GAS2: variants seen among roughly 807,000 people sequenced by gnomAD.
GAS2 encodes growth arrest specific 2.
A neutral mutation model predicts 37.5 loss-of-function variants in GAS2; 20 were observed. That is an observed-to-expected ratio of 0.53 (90% confidence interval 0.37 to 0.77). GAS2 has a LOEUF of 0.77. Among genes scored for constraint, GAS2 ranks in the 30% least tolerant of loss-of-function variants. GAS2 has a pLI of 0.00. For missense variants in GAS2, 336 were observed against 373.4 expected, an observed-to-expected ratio of 0.90 and a Z score of 0.82; for synonymous variants, 144 against 132.2, an observed-to-expected ratio of 1.09 and a Z score of -0.61.
rs577403056 is a variant in GAS2, at chr11:22,642,700, G to T, written c.-21+16887G>T. On this transcript the variant is annotated intron_variant, in intron 1 of 5. Coordinates refer to the GAS2 transcript ENST00000528582. ...AGTATCTTGTAATTATGTTAAAAAT[G>T]ACGTATCTGAGAATTTACACGGAAT... 2.6e-5 allele frequency among the ~76,000 whole-genome samples: 4 copies of T among 152,250 alleles called. 1 individual carries two copies. The South Asian group carries it at 8.3e-4, about 32-fold the overall frequency.
intron 6 of GAS2, 147 bp downstream of exon 6, chr11:22,749,408 C>T: frequency 1.5e-6 from 1 of 666,004 alleles, no homozygotes; most frequent in Non-Finnish European, 2.4e-6. Context: ...ACTTTGTAGT[C>T]CTACAATTCA....
chr11:22,703,382 A>G (rs1013509338), intron 3 of GAS2, among the ~76,000 whole-genome samples: 6 of 152,178 alleles, frequency 3.9e-5, no homozygotes, highest in African/African-American at 1.4e-4. Context: ...TTTTGTCAGA[A>G]AAAGTCACTC....
intron 5 of GAS2, among the ~76,000 whole-genome samples, chr11:22,744,512 G>A (rs1422288841): frequency 6.6e-6 from 1 of 151,978 alleles, no homozygotes; most frequent in Non-Finnish European, 1.5e-5. Context: ...ATCAATAAAT[G>A]TAATTTACCA....
chr11:22,705,188 A>G (rs764677483), intron 3 of GAS2, among the ~76,000 whole-genome samples: 18 of 152,026 alleles, frequency 1.2e-4, no homozygotes, highest in Non-Finnish European at 2.4e-4. Flanking sequence ...ATTTATTGTA[A>G]CTTTTCCCTT....
chr11:22,757,415 T>C (rs1157873139), intron 7 of GAS2, among the ~76,000 whole-genome samples: 1 of 152,160 alleles, frequency 6.6e-6, no homozygotes, highest in African/African-American at 2.4e-5. Flanking sequence ...TTTGCTGTAC[T>C]GAAAAAATTG....
chr11:22,769,593 A>G (rs780672999), intron 7 of GAS2, among the ~76,000 whole-genome samples: 2 of 152,386 alleles, frequency 1.3e-5, no homozygotes, highest in Middle Eastern at 3.4e-3. Context: ...TAAAAATTAC[A>G]GCTATAATAC....
rs139946300 is a variant in GAS2 at position 22,700,451 on chromosome 11, G to A, written c.267+14662G>A. 2.0e-5 allele frequency among the ~76,000 whole-genome samples: 3 copies of A among 152,086 alleles called. 1 individual carries two copies. The highest frequency in any genetic ancestry group is 3.9e-4 in the East Asian group (2 of 5,192). ...ATCTGACTTTTCCAGTCGTAAAGAC[G>A]GAAGATTTGAGAATTTTAGAATGGT... On this transcript the variant is annotated intron_variant, in intron 3 of 7. Transcript: ENST00000454584.
At position 22,655,121 on chromosome 11, in the gene GAS2, C is replaced by G. The variant is rs546190816; in HGVS notation, c.-20-19729C>G. ...TGAACTCCTAAGCTCTTCAGACTGT[C>G]TGTCCTTTTCTGAAGACTGTACATT... On this transcript the variant is annotated intron_variant, in intron 1 of 5. Transcript: ENST00000528582. 4.0e-3 allele frequency among the ~76,000 whole-genome samples: 607 copies of G among 152,262 alleles called. 1 individual carries two copies. The highest frequency in any genetic ancestry group is 6.6e-3 in the Non-Finnish European group (446 of 68,020).
At chr11:22,779,212 T>C (rs1855425710) in intron 7 of GAS2, among the ~76,000 whole-genome samples, 1 of 152,194 alleles carries the variant, frequency 6.6e-6, no homozygotes, top group African/African-American at 2.4e-5. Flanking sequence ...TCATGAGTCC[T>C]AGTCATCGCC....
intron 7 of GAS2, among the ~76,000 whole-genome samples, chr11:22,763,566 A>G (rs1360950764): frequency 6.6e-6 from 1 of 151,932 alleles, no homozygotes; most frequent in Non-Finnish European, 1.5e-5. Context: ...CTGCAGAAGC[A>G]GCCATTACTC....
chr11:22,657,811 A>G (rs1425313002), intron 1 of GAS2, among the ~76,000 whole-genome samples: 1 of 152,156 alleles, frequency 6.6e-6, no homozygotes, highest in East Asian at 1.9e-4. Context: ...GCCCACAATC[A>G]TATATTACTT....
At chr11:22,639,545 G>C (rs1434312210) in intron 1 of GAS2, among the ~76,000 whole-genome samples, 1 of 152,034 alleles carries the variant, frequency 6.6e-6, no homozygotes, top group Non-Finnish European at 1.5e-5. Flanking sequence ...CATTTCATTG[G>C]TTTCCCTTAC....
intron 3 of GAS2, among the ~76,000 whole-genome samples, chr11:22,690,992 C>T (rs1850221315): frequency 1.3e-5 from 2 of 152,090 alleles, no homozygotes; most frequent in African/African-American, 4.8e-5. Context: ...ACTAACTTTC[C>T]TTTGCATTTG....
rs1466263172 is a variant in GAS2 at position 22,648,545 on chromosome 11, C to T, written c.-21+22732C>T. ...GGCCATTTTCACAATATTGATTCTTCCTACCCATGAGCATGGAATGTTCTT... is the reference window on the plus strand; with the variant it reads ...GGCCATTTTCACAATATTGATTCTTTCTACCCATGAGCATGGAATGTTCTT... On this transcript the variant is annotated intron_variant, in intron 1 of 5. Transcript: ENST00000528582. Among the ~76,000 whole-genome samples, 7 of 152,274 alleles carry T rather than the reference C, an allele frequency of 4.6e-5. No individual in the cohort carries two copies. In the East Asian group the frequency reaches 1.3e-3, roughly 29 times the overall value.
intron 3 of GAS2, among the ~76,000 whole-genome samples, chr11:22,718,532 G>A (rs1281409191): frequency 6.6e-6 from 1 of 151,806 alleles, no homozygotes; most frequent in East Asian, 1.9e-4. Context: ...GGAGGGGGTT[G>A]AGGGATAAAA....
At chr11:22,643,239 A>G (rs1848651361) in intron 1 of GAS2, among the ~76,000 whole-genome samples, 1 of 152,102 alleles carries the variant, frequency 6.6e-6, no homozygotes, top group Admixed American at 6.6e-5. Flanking sequence ...GTTATTAAAG[A>G]CATGGATTAA....
At chr11:22,808,820 G>A (rs1207194938) in intron 7 of GAS2, among the ~76,000 whole-genome samples, 1 of 152,208 alleles carries the variant, frequency 6.6e-6, no homozygotes, top group Non-Finnish European at 1.5e-5. Flanking sequence ...CACTGGCCTT[G>A]GCAGTTTTTG....
At chr11:22,706,157 C>T (rs1851106057) in intron 3 of GAS2, among the ~76,000 whole-genome samples, 1 of 152,056 alleles carries the variant, frequency 6.6e-6, no homozygotes, top group Admixed American at 6.6e-5. Context: ...TAAACAGAAG[C>T]ATGATAGACT....
intron 2 of GAS2, among the ~76,000 whole-genome samples, chr11:22,676,748 A>G (rs1247819613): frequency 2.1e-5 from 3 of 144,696 alleles, no homozygotes; most frequent in African/African-American, 7.5e-5. Flanking sequence ...CAAACATTTG[A>G]GTGTGAAGCA....
Sources: allele counts gnomAD v4.1 joint callset (sites outside exome capture counted in the v4.1 genomes callset), GRCh38; gene constraint gnomAD v4.1.1; transcripts MANE v1.5; gene names NCBI Gene and HGNC (gene_info 2026-07-23, HGNC 2026-07-21).